MBD3: variants seen among roughly 807,000 people sequenced by gnomAD.
MBD3 encodes methyl-CpG binding domain protein 3.
MBD3 carries 13 observed loss-of-function variants against 31.2 expected under a neutral mutation model. The ratio of observed to expected loss-of-function variants is 0.42; its 90% CI spans 0.27 to 0.66. The LOEUF (loss-of-function observed/expected upper bound fraction) is 0.66, where lower values mean the gene tolerates loss of function less well. Among genes scored for constraint, MBD3 ranks in the 30% least tolerant of loss-of-function variants. The pLI is 0.26. For synonymous variants in MBD3, 223 were observed against 187.4 expected, an observed-to-expected ratio of 1.19 and a Z score of -1.55; for missense variants, 440 against 426.5, an observed-to-expected ratio of 1.03 and a Z score of -0.28.
At chr19:1,587,621 C>G (rs989991344) in intron 1 of MBD3, among the ~76,000 whole-genome samples, 1 of 152,114 alleles carries the variant, frequency 6.6e-6, no homozygotes, top group Non-Finnish European at 1.5e-5. Flanking sequence ...CGCTATGTTG[C>G]CCAGGTTGGT....
At position 1,581,101 on chromosome 19, in the gene MBD3, T is replaced by G. The variant is rs1568274367; in HGVS notation, c.668A>C (p.Glu223Ala). 4 of 1,614,168 alleles carry G rather than the reference T, an allele frequency of 2.5e-6. No individual in the cohort carries two copies. Among genetic ancestry groups the G allele is most frequent in the South Asian group, 1.1e-5 (1 of 91,090 alleles). ...CAGGCCAAGGGGCTACCTGATGTCCTCGTCGGTCACCATGAAGGCTTTGCA... is the reference window on the plus strand; with the variant it reads ...CAGGCCAAGGGGCTACCTGATGTCCGCGTCGGTCACCATGAAGGCTTTGCA... ...PLCKAFMVTD[E>A]DIRKQEELVQ... is the part of the protein sequence containing the mutation. Residue 223 changes from glutamate (E) to alanine (A), a missense_variant, in exon 5 of 7, where the codon GAG becomes GCG. Coordinates refer to ENST00000434436, the MANE Select transcript of MBD3 (RefSeq NM_001281453.2).
chr19:1,585,197 A>C lies in MBD3; in HGVS notation c.128T>G (p.Phe43Cys), dbSNP rs992005511. 1.2e-6 allele frequency: 2 copies of C among 1,601,886 alleles called. No homozygotes were observed. Among genetic ancestry groups the C allele is most frequent in the Non-Finnish European group, 8.5e-7 (1 of 1,178,208 alleles). The change falls in exon 2 of 7, where the codon TTC becomes TGC. Residue 43 changes from phenylalanine to cysteine, a missense_variant. Physicochemically the swap from Phe to Cys is radical, Grantham distance 205. Transcript: ENST00000434436. This position sits in a 1 kb window ranked among gnomAD's most constrained non-coding sequence, Gnocchi z 4.1. Reference protein sequence around the residue: ...VFYYSPSGKKFRSKPQLARYL... With the variant: ...VFYYSPSGKKCRSKPQLARYL... ...GCGCGCCAGCTGCGGCTTGCTGCGG[A>C]ACTTCTTCCCGCTCGGGCTGCGGGG...
At chr19:1,580,889 GC>G (rs1953683712) in intron 5 of MBD3, among the ~76,000 whole-genome samples, 1 of 152,194 alleles carries the variant, frequency 6.6e-6, no homozygotes, top group African/African-American at 2.4e-5. Flanking sequence ...TCCAAGGGGT[GC>G]CTGGCTCGCC....
intron 5 of MBD3, among the ~76,000 whole-genome samples, chr19:1,580,348 G>C (rs965807165): frequency 6.6e-6 from 1 of 152,136 alleles, no homozygotes; most frequent in African/African-American, 2.4e-5. Context: ...GGGGGCACAG[G>C]GTCTCTTCTT....
intron 1 of MBD3, among the ~76,000 whole-genome samples, chr19:1,590,708 G>C (rs1052770107): frequency 2.6e-5 from 4 of 152,190 alleles, no homozygotes; most frequent in Admixed American, 1.3e-4. Flanking sequence ...TGATGTCCCT[G>C]AGATTTTATT....
At chr19:1,588,253 G>A (rs2060688102) in intron 1 of MBD3, among the ~76,000 whole-genome samples, 1 of 152,180 alleles carries the variant, frequency 6.6e-6, no homozygotes, top group Non-Finnish European at 1.5e-5. Flanking sequence ...TGAAACCACT[G>A]AGGGCTCTTC....
Position 1,581,250 on chromosome 19 carries a change from C to A in MBD3, c.519G>T (p.Thr173=). 1 of 1,609,964 alleles carries A rather than the reference C, an allele frequency of 6.2e-7. No homozygotes were observed. The change falls in exon 5 of 7, where the codon ACG becomes ACT. Residue 173 remains threonine (T), a synonymous_variant. Coordinates refer to ENST00000434436, the MANE Select transcript of MBD3 (RefSeq NM_001281453.2). ...CGATGGCCGACAGCAGCGTCTCATC[C>A]GTGCAGCCAGGTCCCACCCCTGCCA... ...KGLQGVGPGC[T]DETLLSAIAS...
At chr19:1,592,440 C>T in intron 1 of MBD3, 82 bp downstream of exon 1, 2 of 509,450 alleles carry the variant, frequency 3.9e-6, no homozygotes, top group Non-Finnish European at 5.6e-6. Flanking sequence ...AGGCCGCGGC[C>T]CGGGGCAGGG....
In MBD3 at chr19:1,592,444, G is replaced by C. The variant is rs531090620; in HGVS notation, c.110+78C>G. 2.3e-5 allele frequency: 14 copies of C among 611,376 alleles called. No individual in the cohort carries two copies. In the East Asian group the frequency reaches 1.1e-3, roughly 46 times the overall value. 37.9% of individuals were successfully genotyped at this position (611,376 alleles called of 1,614,324 possible). On this transcript the variant is annotated intron_variant, in intron 1 of 6. Coordinates refer to ENST00000434436, the MANE Select transcript of MBD3 (RefSeq NM_001281453.2). ...GCGCGGGGCCCAGGCCGCGGCCCGG[G>C]GCAGGGGCGCCGAGGCCGCCGCAGA... is the stretch of plus-strand genomic sequence containing the variant.
intron 1 of MBD3, among the ~76,000 whole-genome samples, chr19:1,589,909 C>T (rs572791155): frequency 6.6e-6 from 1 of 152,108 alleles, no homozygotes; most frequent in South Asian, 2.1e-4. Context: ...GGGGGAGTAA[C>T]AAGTGGGGAG....
rs1331561257 is a variant in MBD3, at chr19:1,578,090, G to A, written c.*74C>T. Reference sequence around the variant, plus strand: ...AGGCTGGGCTTCGCCGCCGAGCCTGGTTCACGTGGGGCCGAGGACCGCGTC... The same window carrying A: ...AGGCTGGGCTTCGCCGCCGAGCCTGATTCACGTGGGGCCGAGGACCGCGTC... On this transcript the variant is annotated 3_prime_UTR_variant, in exon 7 of 7. Coordinates refer to ENST00000434436, the MANE Select transcript of MBD3 (RefSeq NM_001281453.2). This position sits in a 1 kb window ranked among gnomAD's most constrained non-coding sequence, Gnocchi z 6.1. The A allele has an allele frequency of 1.5e-5, 9 of 609,334 alleles. No individual in the cohort carries two copies. Among genetic ancestry groups the A allele is most frequent in the Admixed American group, 1.2e-4 (4 of 33,352 alleles). 37.7% of individuals were successfully genotyped at this position (609,334 alleles called of 1,614,324 possible). A position where few individuals can be genotyped will look rare whatever the true frequency, so the allele number is the denominator to read the frequency against.
rs571485949 is a variant in MBD3 at position 1,587,261 on chromosome 19, A to G, written c.111-2047T>C. Among the ~76,000 whole-genome samples the G allele has an allele frequency of 1.4e-3, 219 of 151,896 alleles. 1 individual carries two copies. Among genetic ancestry groups the G allele is most frequent in the African/African-American group, 5.1e-3 (211 of 41,454 alleles). ...ATTACAGGCGTGAGCCACCGCGCCC[A>G]GCCAATTTTTATATTTTTTTAATAG... On this transcript the variant is annotated intron_variant, in intron 1 of 6. Coordinates refer to ENST00000434436, the MANE Select transcript of MBD3 (RefSeq NM_001281453.2).
At chr19:1,591,833 C>CG (rs571215044) in intron 1 of MBD3, among the ~76,000 whole-genome samples, 63 of 152,126 alleles carry the variant, frequency 4.1e-4, no homozygotes, top group South Asian at 3.5e-3. Flanking sequence ...AATTTGGGGA[C>CG]GGGGGGGTCT....
In MBD3 at chr19:1,585,202, C is replaced by T. The variant is rs1209093289; in HGVS notation, c.123G>A (p.Lys41=). The change falls in exon 2 of 7, where the codon AAG becomes AAA. Residue 41 remains lysine (K), a synonymous_variant. Transcript: ENST00000434436. The surrounding 1 kb of genome is among the most constrained non-coding windows in gnomAD (Gnocchi z 4.1). ...CCAGCTGCGGCTTGCTGCGGAACTT[C>T]TTCCCGCTCGGGCTGCGGGGAGGCG... ...RDVFYYSPSG[K]KFRSKPQLAR... The T allele has an allele frequency of 1.9e-6, 3 of 1,599,340 alleles. No homozygotes were observed. Among genetic ancestry groups the T allele is most frequent in the Admixed American group, 1.7e-5 (1 of 59,270 alleles).
Position 1,585,443 on chromosome 19 carries a change from C to T in MBD3, c.111-229G>A. 3.6e-6 allele frequency: 2 copies of T among 551,302 alleles called. No homozygotes were observed. The highest frequency in any genetic ancestry group is 6.5e-6 in the Non-Finnish European group (2 of 306,204). 34.2% of individuals were successfully genotyped at this position (551,302 alleles called of 1,614,324 possible). ...CCAGACCCCAGCACCCCACAACTGG[C>T]CCCTAGATCTGGGCGCCAGCCAGAC... On this transcript the variant is annotated intron_variant, in intron 1 of 6. Coordinates refer to ENST00000434436, the MANE Select transcript of MBD3 (RefSeq NM_001281453.2). This position sits in a 1 kb window ranked among gnomAD's most constrained non-coding sequence, Gnocchi z 4.1.
rs1434930189 is a variant in MBD3 at position 1,584,693 on chromosome 19, T to C, written c.271-16A>G. On this transcript the variant is annotated splice_polypyrimidine_tract_variant and intron_variant, in intron 2 of 6. Coordinates refer to ENST00000434436, the MANE Select transcript of MBD3 (RefSeq NM_001281453.2). ...CGGGCTTGCCCTGCGGGAGGAAGGATATGCAGTCCGGCCTGGGGGCGCCCC... is the reference window on the plus strand; with the variant it reads ...CGGGCTTGCCCTGCGGGAGGAAGGACATGCAGTCCGGCCTGGGGGCGCCCC... 6.2e-7 allele frequency: 1 copy of C among 1,608,124 alleles called. No homozygotes were observed. Among genetic ancestry groups the C allele is most frequent in the Non-Finnish European group, 8.5e-7 (1 of 1,179,006 alleles).
Position 1,577,542 on chromosome 19 carries a change from AG to A in MBD3, c.*621del, listed in dbSNP as rs1917229782. The A allele has an allele frequency of 6.6e-6, 1 of 152,262 alleles. No individual in the cohort carries two copies. Among genetic ancestry groups the A allele is most frequent in the African/African-American group, 2.4e-5 (1 of 41,460 alleles). 9.4% of individuals were successfully genotyped at this position (152,262 alleles called of 1,614,324 possible). On this transcript the variant is annotated 3_prime_UTR_variant, in exon 7 of 7. Coordinates refer to ENST00000434436, the MANE Select transcript of MBD3 (RefSeq NM_001281453.2). ...GAAGCGAAGGCTGGCGTTGGCACAC[AG>A]GGAAGGCTGCCCGATGACGTGCCTC... is the stretch of plus-strand genomic sequence containing the variant.
Position 1,575,387 on chromosome 19 carries a change from C to A in MBD3, c.*2777G>T. On this transcript the variant is annotated 3_prime_UTR_variant, in exon 7 of 7. Coordinates refer to ENST00000434436, the MANE Select transcript of MBD3 (RefSeq NM_001281453.2). ...TGCACTCCAGCCTGTGCAACAAGAG[C>A]GAAAGAAGAGCGAAACTCTTGTCTA... The A allele has an allele frequency of 3.0e-6, 1 of 332,076 alleles. No individual in the cohort carries two copies. Among genetic ancestry groups the A allele is most frequent in the Middle Eastern group, 4.1e-4 (1 of 2,438 alleles). 20.6% of individuals were successfully genotyped at this position (332,076 alleles called of 1,614,324 possible).
At position 1,575,383 on chromosome 19, in the gene MBD3, A is replaced by G. The variant is rs1322816588; in HGVS notation, c.*2781T>C. ...CCACTGCACTCCAGCCTGTGCAACAAGAGCGAAAGAAGAGCGAAACTCTTG... is the reference window on the plus strand; with the variant it reads ...CCACTGCACTCCAGCCTGTGCAACAGGAGCGAAAGAAGAGCGAAACTCTTG... On this transcript the variant is annotated 3_prime_UTR_variant, in exon 7 of 7. Transcript: ENST00000434436. The G allele has an allele frequency of 5.6e-6, 2 of 357,378 alleles. No homozygotes were observed. The highest frequency in any genetic ancestry group is 4.4e-5 in the African/African-American group (2 of 45,432). 22.1% of individuals were successfully genotyped at this position (357,378 alleles called of 1,614,324 possible).
Sources: allele counts gnomAD v4.1 joint callset (sites outside exome capture counted in the v4.1 genomes callset), GRCh38; gene constraint gnomAD v4.1.1; non-coding constraint Gnocchi (gnomAD v3.1); transcripts MANE v1.5; gene names NCBI Gene and HGNC (gene_info 2026-07-23, HGNC 2026-07-21).